The following KATNAL1 variants were observed in gnomAD, a reference collection of about 807,000 sequenced individuals.
The protein encoded by KATNAL1 is katanin p60 ATPase-containing subunit A-like 1.
Under a neutral mutation model 55.2 loss-of-function variants are expected in KATNAL1, and 32 were observed. The observed-to-expected ratio is 0.58, with a 90% CI of 0.44 to 0.78. KATNAL1 has a LOEUF of 0.78. Ranked by LOEUF, KATNAL1 falls within the 30% of genes least tolerant of loss-of-function variation. The pLI is 0.00. For synonymous variants in KATNAL1, 193 were observed against 193.6 expected (o/e 1.00, Z 0.02); for missense variants, 466 against 600.9 (o/e 0.78, Z 2.35).
chr13:30,236,365 A>C (rs1180324825), intron 6 of KATNAL1, among the ~76,000 whole-genome samples: 2 of 152,026 alleles, frequency 1.3e-5, no homozygotes, highest in Non-Finnish European at 2.9e-5. Flanking sequence ...GTTTGGCCCT[A>C]CTCTGGGTAG....
At chr13:30,291,968 G>A (rs1009990874) in intron 1 of KATNAL1, among the ~76,000 whole-genome samples, 2 of 152,150 alleles carry the variant, frequency 1.3e-5, no homozygotes, top group African/African-American at 2.4e-5. Context: ...CTGGAAGGAG[G>A]AGGTTGCAGT....
rs571174345 is a variant in KATNAL1, at chr13:30,203,384, G to C, written c.*5156C>G. On this transcript the variant is annotated 3_prime_UTR_variant, in exon 11 of 11. Coordinates refer to ENST00000380615, the MANE Select transcript of KATNAL1 (RefSeq NM_032116.5). ...TCATTCCTGCCTAAAACTAAGCCTG[G>C]TTAACTGAGGTAGACTCTGGGAATT... is the stretch of plus-strand genomic sequence containing the variant. The C allele has an allele frequency of 6.6e-6, 1 of 152,286 alleles. No individual in the cohort carries two copies. The highest frequency in any genetic ancestry group is 2.4e-5 in the African/African-American group (1 of 41,566). The allele number at this position is 152,286 out of a possible 1,614,324, so 9.4% of individuals were successfully genotyped here.
In KATNAL1 at chr13:30,205,415, A is replaced by G. The variant is rs1298913184; in HGVS notation, c.*3125T>C. Reference sequence around the variant, plus strand: ...ATCTGATCAGATATCTGCAAAGCAGACTTAGCTTAGTCCTACAGTCATTGT... The same window carrying G: ...ATCTGATCAGATATCTGCAAAGCAGGCTTAGCTTAGTCCTACAGTCATTGT... On this transcript the variant is annotated 3_prime_UTR_variant, in exon 11 of 11. Coordinates refer to ENST00000380615, the MANE Select transcript of KATNAL1 (RefSeq NM_032116.5). 6.6e-6 allele frequency: 1 copy of G among 152,230 alleles called. No homozygotes were observed. Among genetic ancestry groups the G allele is most frequent in the Non-Finnish European group, 1.5e-5 (1 of 68,050 alleles). The allele number at this position is 152,230 out of a possible 1,614,324, so 9.4% of individuals were successfully genotyped here.
At chr13:30,243,573 G>A (rs1178095949) in intron 4 of KATNAL1, among the ~76,000 whole-genome samples, 2 of 146,216 alleles carry the variant, frequency 1.4e-5, no homozygotes, top group African/African-American at 5.1e-5. Context: ...ATTCTAATGG[G>A]GCAATACAAC....
chr13:30,227,564 GGAAAAGA>G lies in KATNAL1; in HGVS notation c.1013-25_1013-19del. On this transcript the variant is annotated intron_variant, in intron 8 of 10. Transcript: ENST00000380615. ...TCCAACTCCTATACACAGTAAGGGA[GGAAAAGA>G]TAGTGTTTTTCTTACAACTCTTTAT... is the stretch of plus-strand genomic sequence containing the variant. 6.3e-7 allele frequency: 1 copy of G among 1,591,974 alleles called. No individual in the cohort carries two copies. The highest frequency in any genetic ancestry group is 8.6e-7 in the Non-Finnish European group (1 of 1,167,544).
intron 6 of KATNAL1, among the ~76,000 whole-genome samples, chr13:30,239,761 T>C (rs977266774): frequency 2.0e-5 from 3 of 150,294 alleles, no homozygotes; most frequent in Non-Finnish European, 4.4e-5. Context: ...TCTTGGCTCA[T>C]TGCAAACTCC....
At chr13:30,289,620 T>C (rs1882007700) in intron 1 of KATNAL1, among the ~76,000 whole-genome samples, 2 of 152,256 alleles carry the variant, frequency 1.3e-5, no homozygotes, top group Admixed American at 1.3e-4. Context: ...AACACAGCTA[T>C]AGTATCACTG....
At chr13:30,269,395 C>G (rs1880059036) in intron 3 of KATNAL1, among the ~76,000 whole-genome samples, 1 of 152,246 alleles carries the variant, frequency 6.6e-6, no homozygotes, top group Admixed American at 6.5e-5. Context: ...TCAATGGTGC[C>G]CAGGCTGGAG....
At chr13:30,294,088 C>T (rs1439183976) in intron 1 of KATNAL1, among the ~76,000 whole-genome samples, 2 of 152,092 alleles carry the variant, frequency 1.3e-5, no homozygotes, top group African/African-American at 2.4e-5. Context: ...CTCCTTTTCC[C>T]GGAGACACAA....
chr13:30,277,982 C>CAAAAAAAAAAAAA lies in KATNAL1; in HGVS notation c.323+2068_323+2080dup, dbSNP rs55683675. ...TGGGGGACAGAGCGAGACTCCGTCT[C>CAAAAAAAAAAAAA]AAAAAAAAAAAAAAAAAAAAAAAAA... On this transcript the variant is annotated intron_variant, in intron 3 of 10. Coordinates refer to ENST00000380615, the MANE Select transcript of KATNAL1 (RefSeq NM_032116.5). Among the ~76,000 whole-genome samples, 39 of 61,312 alleles carry CAAAAAAAAAAAAA rather than the reference C, an allele frequency of 6.4e-4. 1 individual carries two copies. Among genetic ancestry groups the CAAAAAAAAAAAAA allele is most frequent in the African/African-American group, 2.5e-3 (35 of 14,146 alleles). 40.2% of individuals were successfully genotyped at this position (61,312 alleles called of 152,430 possible).
Position 30,240,505 on chromosome 13 carries a change from T to C in KATNAL1, c.681A>G (p.Pro227=). 1.2e-6 allele frequency: 2 copies of C among 1,613,892 alleles called. No individual in the cohort carries two copies. Among genetic ancestry groups the C allele is most frequent in the Non-Finnish European group, 1.7e-6 (2 of 1,179,848 alleles). Reference sequence around the variant, plus strand: ...CTTTGAAAAAGTCAGGCATCCACATTGGAAGAACAACAGCTTCCCTTAGCA... The same window carrying C: ...CTTTGAAAAAGTCAGGCATCCACATCGGAAGAACAACAGCTTCCCTTAGCA... The part of the protein sequence containing the change: ...KKLLREAVVL[P]MWMPDFFKGI... Residue 227 remains proline, a synonymous_variant, in exon 6 of 11, where the codon CCA becomes CCG. Coordinates refer to ENST00000380615, the MANE Select transcript of KATNAL1 (RefSeq NM_032116.5).
intron 3 of KATNAL1, among the ~76,000 whole-genome samples, chr13:30,262,705 G>T (rs866446600): frequency 6.6e-6 from 1 of 151,528 alleles, no homozygotes; most frequent in Admixed American, 6.6e-5. Flanking sequence ...AATAACAGGA[G>T]CTGAAATTGT....
intron 6 of KATNAL1, among the ~76,000 whole-genome samples, chr13:30,237,009 A>G (rs186677969): frequency 6.6e-6 from 1 of 152,318 alleles, no homozygotes; most frequent in East Asian, 1.9e-4. Flanking sequence ...CAGCAGACTA[A>G]GTCCCTCTTC....
At chr13:30,224,418 T>TG in intron 9 of KATNAL1, among the ~76,000 whole-genome samples, 1 of 151,636 alleles carries the variant, frequency 6.6e-6, no homozygotes, top group East Asian at 1.9e-4. Context: ...GTGTTTGTAG[T>TG]CCCTACTCAA....
At chr13:30,241,169 C>A in intron 4 of KATNAL1, 83 bp from the exon 5 acceptor site, 1 of 1,156,984 alleles carries the variant, frequency 8.6e-7, no homozygotes, top group Non-Finnish European at 1.2e-6. Context: ...CATTATAATG[C>A]CATCACTTTC....
intron 3 of KATNAL1, among the ~76,000 whole-genome samples, chr13:30,271,946 T>C (rs924563109): frequency 2.1e-5 from 3 of 141,236 alleles, no homozygotes; most frequent in Admixed American, 1.4e-4. Context: ...AAAAAGAGAG[T>C]TCCAAAGAAG....
chr13:30,209,458 C>T (rs1012149283), intron 10 of KATNAL1, among the ~76,000 whole-genome samples: 1 of 152,022 alleles, frequency 6.6e-6, no homozygotes, highest in East Asian at 1.9e-4. Context: ...GGGAAAAATG[C>T]GAGCAGAAAA....
At chr13:30,265,297 G>A (rs1229125204) in intron 3 of KATNAL1, among the ~76,000 whole-genome samples, 4 of 151,374 alleles carry the variant, frequency 2.6e-5, no homozygotes, top group South Asian at 4.2e-4. Flanking sequence ...TGGGTGCAGC[G>A]CACCAGCATG....
At chr13:30,253,534 G>C (rs563773517) in intron 4 of KATNAL1, among the ~76,000 whole-genome samples, 2 of 152,034 alleles carry the variant, frequency 1.3e-5, no homozygotes, top group Non-Finnish European at 2.9e-5. Flanking sequence ...GCATGGTAGC[G>C]GGTGCCTGTA....
Sources: gnomAD v4.1 joint callset for allele counts (sites outside exome capture counted in the v4.1 genomes callset) on GRCh38, gnomAD v4.1.1 for gene constraint, MANE v1.5 for transcripts, NCBI Gene and HGNC (gene_info 2026-07-23, HGNC 2026-07-21) for gene names.